Variants in DIPK1C observed in about 807,000 individuals in gnomAD.
The protein encoded by DIPK1C is familial non-conventional Alzheimer's dementia.
DIPK1C carries 33 observed loss-of-function variants against 28.0 expected under a neutral mutation model. That is an observed-to-expected ratio of 1.18 (90% CI 0.89 to 1.58). The LOEUF is 1.58. Ranked by LOEUF, DIPK1C falls within the 40% of genes most tolerant of loss-of-function variation. DIPK1C has a pLI of 0.00. For synonymous variants in DIPK1C, 255 were observed against 248.8 expected (o/e 1.02, Z -0.23); for missense variants, 569 against 568.5 (o/e 1.00, Z -0.01).
At chr18:74,445,075 T>C (rs1335255434) in intron 2 of DIPK1C, among the ~76,000 whole-genome samples, 2 of 152,236 alleles carry the variant, frequency 1.3e-5, no homozygotes, top group Middle Eastern at 3.4e-3. Context: ...GTCCCACTCA[T>C]TGATGCCCAC....
In DIPK1C at chr18:74,457,287, A is replaced by C; in HGVS notation, c.-28T>G. On this transcript the variant is annotated 5_prime_UTR_variant, in exon 1 of 4. Transcript: ENST00000343998. ...CCAGCCCTGCCCGCGCCCGGGCCCC[A>C]CCGCCGCCCGCGCCCCGAGTTCCGC... The C allele has an allele frequency of 2.0e-6, 2 of 981,734 alleles. No individual in the cohort carries two copies. Among genetic ancestry groups the C allele is most frequent in the Non-Finnish European group, 2.4e-6 (2 of 828,056 alleles). 60.8% of individuals were successfully genotyped at this position (981,734 alleles called of 1,614,324 possible).
At chr18:74,440,640 C>A (rs1246960089) in intron 3 of DIPK1C, among the ~76,000 whole-genome samples, 2 of 152,188 alleles carry the variant, frequency 1.3e-5, no homozygotes, top group African/African-American at 2.4e-5. Context: ...TGTTCTCCTG[C>A]CAATTTTCTG....
intron 2 of DIPK1C, among the ~76,000 whole-genome samples, chr18:74,442,642 C>T (rs1986169049): frequency 1.3e-5 from 2 of 152,208 alleles, no homozygotes. Flanking sequence ...TTTTCTTTTA[C>T]ACAGGCAACT....
At chr18:74,460,302 C>T (rs557264060), upstream of DIPK1C, among the ~76,000 whole-genome samples, 8 of 152,264 alleles carry the variant, frequency 5.3e-5, no homozygotes, top group Admixed American at 1.3e-4. Context: ...ATGATATCAT[C>T]GAGGGAAAAA....
At position 74,457,154 on chromosome 18, in the gene DIPK1C, C is replaced by A; in HGVS notation, c.106G>T (p.Val36Leu). The part of the protein sequence containing the change: ...LAFAAWTAGW[V>L]LAAALLLRAH... ...CGGAGCAGCAGCGCGGCCGCCAGCA[C>A]CCAGCCCGCGGTCCACGCGGCGAAG... Residue 36 changes from valine to leucine, a missense_variant, in exon 1 of 4, where the codon GTG (valine) becomes TTG (leucine). Transcript: ENST00000343998. 1 of 1,398,518 alleles carries A rather than the reference C, an allele frequency of 7.2e-7. No homozygotes were observed. Among genetic ancestry groups the A allele is most frequent in the Non-Finnish European group, 9.3e-7 (1 of 1,079,940 alleles). 86.6% of individuals were successfully genotyped at this position (1,398,518 alleles called of 1,614,324 possible).
Position 74,448,613 on chromosome 18 carries a change from C to A in DIPK1C, c.199-1330G>T, listed in dbSNP as rs552721987. On this transcript the variant is annotated intron_variant, in intron 1 of 3. Coordinates refer to ENST00000343998, the MANE Select transcript of DIPK1C (RefSeq NM_001044369.3). ...CTCCCTGCATGATGATTGTACTGGC[C>A]AAGAGGGAAGTGTGTGTGCACACCA... 3.3e-5 allele frequency among the ~76,000 whole-genome samples: 5 copies of A among 152,218 alleles called. No individual in the cohort carries two copies. The South Asian group carries it at 8.3e-4, about 25-fold the overall frequency.
Position 74,447,119 on chromosome 18 carries a change from G to T in DIPK1C, c.363C>A (p.Ala121=), listed in dbSNP as rs1054019723. Residue 121 remains alanine, a synonymous_variant, in exon 2 of 4, where the codon GCC becomes GCA. Coordinates refer to ENST00000343998, the MANE Select transcript of DIPK1C (RefSeq NM_001044369.3). This position sits in a 1 kb window ranked among gnomAD's most constrained non-coding sequence, Gnocchi z 4.1. ...GGCTGAGGGGCGGGAAGCTGGAGAA[G>T]GCCTCCTCCTTGGACTTGAGGACCA... ...RPVVLKSKEE[A]FSSFPPLSLL... 15 of 1,550,448 alleles carry T rather than the reference G, an allele frequency of 9.7e-6. No homozygotes were observed. The African/African-American group carries it at 2.1e-4, about 21-fold the overall frequency.
At chr18:74,442,904 G>A (rs1409053749) in intron 2 of DIPK1C, among the ~76,000 whole-genome samples, 1 of 152,190 alleles carries the variant, frequency 6.6e-6, no homozygotes, top group Non-Finnish European at 1.5e-5. Flanking sequence ...GTGAATACAA[G>A]CTATCCAGGG....
rs1449923799 is a variant in DIPK1C at position 74,435,654 on chromosome 18, G to A, written c.*847C>T. 1 of 152,170 alleles carries A rather than the reference G, an allele frequency of 6.6e-6. No individual in the cohort carries two copies. Among genetic ancestry groups the A allele is most frequent in the Non-Finnish European group, 1.5e-5 (1 of 68,036 alleles). The allele number at this position is 152,170 out of a possible 1,614,324, so 9.4% of individuals were successfully genotyped here. The stretch of plus-strand genomic sequence containing the variant: ...CCTAAAACCCATCCATAACCTTGGT[G>A]GATTCCACAAAATGAAAAATACTAT... On this transcript the variant is annotated 3_prime_UTR_variant, in exon 4 of 4. Transcript: ENST00000343998.
At position 74,436,379 on chromosome 18, in the gene DIPK1C, T is replaced by A. The variant is rs1452454921; in HGVS notation, c.*122A>T. On this transcript the variant is annotated 3_prime_UTR_variant, in exon 4 of 4. Transcript: ENST00000343998. ...GGCAGCAGCACTTGCCACTCCACAA[T>A]GTGGAGACCAGAACGGCACCCCAGA... The A allele has an allele frequency of 2.1e-6, 2 of 967,332 alleles. No individual in the cohort carries two copies. Among genetic ancestry groups the A allele is most frequent in the African/African-American group, 3.3e-5 (2 of 60,672 alleles). 59.9% of individuals were successfully genotyped at this position (967,332 alleles called of 1,614,324 possible).
intron 2 of DIPK1C, among the ~76,000 whole-genome samples, chr18:74,445,327 C>A (rs112465844): frequency 2.6e-4 from 40 of 152,300 alleles, no homozygotes; most frequent in African/African-American, 7.9e-4. Context: ...GCACACAGAC[C>A]TCCTGGAACC....
chr18:74,453,081 T>C (rs1187648780), intron 1 of DIPK1C, among the ~76,000 whole-genome samples: 1 of 152,234 alleles, frequency 6.6e-6, no homozygotes, highest in African/African-American at 2.4e-5. Flanking sequence ...ATATCTACAT[T>C]GATGCACATT....
the DIPK1C span, among the ~76,000 whole-genome samples, chr18:74,463,588 C>A: frequency 6.6e-5 from 10 of 152,244 alleles, no homozygotes; most frequent in Middle Eastern, 3.4e-3. Flanking sequence ...CCGCCCTCAC[C>A]CCCACGTACC....
intron 3 of DIPK1C, among the ~76,000 whole-genome samples, chr18:74,437,475 C>G (rs142738320): frequency 6.6e-6 from 1 of 152,174 alleles, no homozygotes; most frequent in Admixed American, 6.5e-5. Context: ...GCTTCCCCCA[C>G]GCTGGGAGAA....
At chr18:74,438,111 T>G (rs1018437130) in intron 3 of DIPK1C, among the ~76,000 whole-genome samples, 3 of 152,186 alleles carry the variant, frequency 2.0e-5, no homozygotes, top group African/African-American at 7.2e-5. Context: ...ACACTGTTCT[T>G]GAACTCCAGG....
At chr18:74,454,425 G>A (rs945682080) in intron 1 of DIPK1C, among the ~76,000 whole-genome samples, 14 of 152,136 alleles carry the variant, frequency 9.2e-5, no homozygotes, top group Admixed American at 5.2e-4. Flanking sequence ...GGCCAGCAAC[G>A]CCCCCCGCCA....
At chr18:74,439,364 T>C (rs1457421256) in intron 3 of DIPK1C, among the ~76,000 whole-genome samples, 1 of 152,244 alleles carries the variant, frequency 6.6e-6, no homozygotes, top group African/African-American at 2.4e-5. Context: ...CCGTTCACTA[T>C]GCAACCCAGC....
intron 2 of DIPK1C, among the ~76,000 whole-genome samples, chr18:74,442,473 T>G (rs537797869): frequency 5.3e-5 from 8 of 152,108 alleles, no homozygotes; most frequent in Non-Finnish European, 8.8e-5. Context: ...GGACTACAGG[T>G]GCCCACCACC....
chr18:74,463,503 C>A, the DIPK1C span, among the ~76,000 whole-genome samples: 4 of 152,130 alleles, frequency 2.6e-5, no homozygotes, highest in African/African-American at 9.7e-5. Context: ...TGAGACACAG[C>A]TGCTGGTTGA....
Sources: allele counts gnomAD v4.1 joint callset (sites outside exome capture counted in the v4.1 genomes callset), GRCh38; gene constraint gnomAD v4.1.1; non-coding constraint Gnocchi (gnomAD v3.1); transcripts MANE v1.5; gene names NCBI Gene and HGNC (gene_info 2026-07-23, HGNC 2026-07-21).